SIPA1L1: variants seen among roughly 807,000 people sequenced by gnomAD.
SIPA1L1 encodes the protein signal-induced proliferation-associated 1-like protein 1.
A neutral mutation model predicts 162.7 loss-of-function variants in SIPA1L1; 26 were observed. That is an observed-to-expected ratio of 0.16 (90% CI 0.12 to 0.22). The LOEUF (loss-of-function observed/expected upper bound fraction) is 0.22. Among genes scored for constraint, SIPA1L1 ranks in the 10% least tolerant of loss-of-function variants. SIPA1L1 has a pLI of 1.00. For synonymous variants in SIPA1L1, 829 were observed against 837.4 expected, an observed-to-expected ratio of 0.99 and a Z score of 0.17; for missense variants, 1,874 against 2,241.0, an observed-to-expected ratio of 0.84 and a Z score of 3.31.
chr14:71,701,840 C>T (rs1312311759), intron 14 of SIPA1L1, among the ~76,000 whole-genome samples: 6 of 152,146 alleles, frequency 3.9e-5, no homozygotes, highest in African/African-American at 7.2e-5. Flanking sequence ...ACAGTTTGAA[C>T]GTGGTTTCTA....
At chr14:71,690,050 C>A (rs188238800) in intron 13 of SIPA1L1, among the ~76,000 whole-genome samples, 58 of 152,306 alleles carry the variant, frequency 3.8e-4, no homozygotes, top group Admixed American at 3.4e-3. Flanking sequence ...AAACAAGCAC[C>A]ATTTAATGTT....
intron 2 of SIPA1L1, among the ~76,000 whole-genome samples, chr14:71,327,454 C>T (rs954605316): frequency 3.3e-5 from 5 of 152,172 alleles, no homozygotes; most frequent in African/African-American, 7.2e-5. Context: ...GTTCTTGATG[C>T]TCTTAGCTGC....
chr14:71,714,985 A>G (rs1384819654), intron 17 of SIPA1L1, among the ~76,000 whole-genome samples: 3 of 152,252 alleles, frequency 2.0e-5, no homozygotes, highest in African/African-American at 2.4e-5. Context: ...TTAAGAGAGA[A>G]TAAATGTCTT....
intron 7 of SIPA1L1, among the ~76,000 whole-genome samples, chr14:71,645,529 C>A (rs913364983): frequency 1.3e-5 from 2 of 152,206 alleles, no homozygotes; most frequent in Non-Finnish European, 2.9e-5. Flanking sequence ...ATATACGCTG[C>A]ATTTCATCAC....
Position 71,733,654 on chromosome 14 carries a change from C to A in SIPA1L1, c.4862-12C>A. ...GCACAAGAAGCATCTCATTCCTCCT[C>A]CCTTCCCGCAGGAGAGTTCTCAGCC... On this transcript the variant is annotated splice_polypyrimidine_tract_variant and intron_variant, in intron 20 of 23. Transcript: ENST00000381232. The A allele has an allele frequency of 6.2e-7, 1 of 1,612,428 alleles. No homozygotes were observed. The highest frequency in any genetic ancestry group is 8.5e-7 in the Non-Finnish European group (1 of 1,179,446).
chr14:71,494,503 T>A (rs1446772214), intron 2 of SIPA1L1, among the ~76,000 whole-genome samples: 2 of 151,538 alleles, frequency 1.3e-5, no homozygotes, highest in Non-Finnish European at 2.9e-5. Context: ...TAGTATCTAA[T>A]TGAGATTTTC....
intron 7 of SIPA1L1, among the ~76,000 whole-genome samples, chr14:71,629,040 C>G (rs950448743): frequency 1.3e-5 from 2 of 152,166 alleles, no homozygotes; most frequent in Non-Finnish European, 2.9e-5. Flanking sequence ...CAGGTTCACG[C>G]CATTCTCCTG....
chr14:71,691,065 A>C (rs1442332302), intron 13 of SIPA1L1, among the ~76,000 whole-genome samples: 1 of 152,132 alleles, frequency 6.6e-6, no homozygotes, highest in Non-Finnish European at 1.5e-5. Context: ...TCCCCTCAGC[A>C]CTATCATCCC....
intron 4 of SIPA1L1, among the ~76,000 whole-genome samples, chr14:71,533,438 T>G (rs2053622054): frequency 6.6e-6 from 1 of 152,216 alleles, no homozygotes; most frequent in African/African-American, 2.4e-5. Context: ...ATTTATTCAT[T>G]CAGCAGCAAA....
intron 2 of SIPA1L1, among the ~76,000 whole-genome samples, chr14:71,500,087 G>A (rs901572689): frequency 4.6e-5 from 7 of 152,034 alleles, no homozygotes; most frequent in Admixed American, 1.3e-4. Flanking sequence ...ACATTTGGAC[G>A]TAGTGTTTGA....
intron 13 of SIPA1L1, among the ~76,000 whole-genome samples, chr14:71,686,231 A>G (rs2046281112): frequency 6.6e-6 from 1 of 152,204 alleles, no homozygotes; most frequent in Non-Finnish European, 1.5e-5. Context: ...CCTAGAAAGT[A>G]AGAAACCAAA....
intron 4 of SIPA1L1, among the ~76,000 whole-genome samples, chr14:71,578,044 C>T (rs573095634): frequency 2.4e-4 from 37 of 151,984 alleles, no homozygotes; most frequent in African/African-American, 7.5e-4. Context: ...CCAAGTACCT[C>T]GGATTACAGG....
At chr14:71,680,502 A>G (rs1008776341) in intron 12 of SIPA1L1, among the ~76,000 whole-genome samples, 2 of 152,200 alleles carry the variant, frequency 1.3e-5, no homozygotes, top group Non-Finnish European at 2.9e-5. Flanking sequence ...TTGACACCCT[A>G]ACATCACAAT....
At chr14:71,697,246 A>G (rs1462371843) in intron 13 of SIPA1L1, among the ~76,000 whole-genome samples, 1 of 152,142 alleles carries the variant, frequency 6.6e-6, no homozygotes, top group Non-Finnish European at 1.5e-5. Flanking sequence ...GGTGAGAGAA[A>G]TCAGAAGCCC....
intron 2 of SIPA1L1, among the ~76,000 whole-genome samples, chr14:71,470,785 T>C (rs2047388915): frequency 6.6e-6 from 1 of 152,170 alleles, no homozygotes; most frequent in South Asian, 2.1e-4. Flanking sequence ...CTTCTAATTA[T>C]ATATGGAAAA....
chr14:71,386,940 A>T (rs1002572261), intron 2 of SIPA1L1, among the ~76,000 whole-genome samples: 2 of 152,052 alleles, frequency 1.3e-5, no homozygotes, highest in Non-Finnish European at 2.9e-5. Context: ...GCCCTTAGTT[A>T]TGGATAGATA....
At chr14:71,598,951 C>T (rs1386352579) in intron 5 of SIPA1L1, among the ~76,000 whole-genome samples, 1 of 152,080 alleles carries the variant, frequency 6.6e-6, no homozygotes. Context: ...TCATCCTCCC[C>T]CACTTCCACC....
At chr14:71,664,105 G>A (rs1157088629) in intron 10 of SIPA1L1, among the ~76,000 whole-genome samples, 1 of 152,240 alleles carries the variant, frequency 6.6e-6, no homozygotes, top group African/African-American at 2.4e-5. Context: ...TAATGTTGGG[G>A]GGAGGCAGGG....
At chr14:71,706,359 A>G (rs2082438556) in intron 16 of SIPA1L1, among the ~76,000 whole-genome samples, 1 of 152,238 alleles carries the variant, frequency 6.6e-6, no homozygotes, top group Non-Finnish European at 1.5e-5. Context: ...ACATGGTAAA[A>G]TAATATTTTG....
Sources: gnomAD v4.1 joint callset for allele counts (sites outside exome capture counted in the v4.1 genomes callset) on GRCh38, gnomAD v4.1.1 for gene constraint, MANE v1.5 for transcripts, NCBI Gene and HGNC (gene_info 2026-07-23, HGNC 2026-07-21) for gene names.